Variants in AUTS2 observed in about 807,000 individuals in gnomAD.
AUTS2 encodes the protein autism susceptibility gene 2 protein.
AUTS2 carries 17 observed loss-of-function variants against 112.4 expected under a neutral mutation model. The observed-to-expected ratio is 0.15, with a 90% CI of 0.10 to 0.23. The LOEUF (loss-of-function observed/expected upper bound fraction) is 0.23. Ranked by LOEUF, AUTS2 falls within the 10% of genes least tolerant of loss-of-function variation. AUTS2 has a pLI of 1.00. For synonymous variants in AUTS2, 751 were observed against 702.7 expected (o/e 1.07, Z -1.09); for missense variants, 1,510 against 1,701.6 (o/e 0.89, Z 1.98).
chr7:69,628,980 C>T (rs984295675), intron 1 of AUTS2, among the ~76,000 whole-genome samples: 1 of 152,150 alleles, frequency 6.6e-6, no homozygotes, highest in African/African-American at 2.4e-5. Flanking sequence ...TAAACCATTT[C>T]ATTTGATTTG....
chr7:70,146,921 G>C (rs1807155202), intron 4 of AUTS2, among the ~76,000 whole-genome samples: 2 of 152,110 alleles, frequency 1.3e-5, no homozygotes, highest in African/African-American at 2.4e-5. Context: ...TTGGAGCAGA[G>C]ACACAATTTT....
chr7:70,346,128 G>C (rs1263239614), intron 4 of AUTS2, among the ~76,000 whole-genome samples: 1 of 152,118 alleles, frequency 6.6e-6, no homozygotes, highest in Non-Finnish European at 1.5e-5. Flanking sequence ...GCATTATTAT[G>C]TGTCTGGTAC....
intron 4 of AUTS2, among the ~76,000 whole-genome samples, chr7:70,325,120 G>A (rs1790426776): frequency 6.6e-6 from 1 of 152,056 alleles, no homozygotes; most frequent in South Asian, 2.1e-4. Flanking sequence ...TGGGAGGCTG[G>A]AAGGAGTGAG....
chr7:69,775,803 C>T (rs1463866291), intron 1 of AUTS2, among the ~76,000 whole-genome samples: 2 of 152,124 alleles, frequency 1.3e-5, no homozygotes, highest in Admixed American at 1.3e-4. Flanking sequence ...TCAATGTGGT[C>T]CCAGATTCAA....
intron 5 of AUTS2, among the ~76,000 whole-genome samples, chr7:70,523,502 G>A (rs192869813): frequency 3.0e-4 from 46 of 152,268 alleles, no homozygotes; most frequent in Admixed American, 1.2e-3. Context: ...TGTAAAAATT[G>A]GACTCCTGCC....
chr7:70,131,045 A>G (rs1263082770), intron 3 of AUTS2, among the ~76,000 whole-genome samples: 1 of 152,082 alleles, frequency 6.6e-6, no homozygotes, highest in Non-Finnish European at 1.5e-5. Context: ...TTCAAGTCTC[A>G]GTTTGACTCA....
intron 1 of AUTS2, among the ~76,000 whole-genome samples, chr7:69,738,618 G>A (rs1262456068): frequency 2.6e-5 from 4 of 152,104 alleles, no homozygotes; most frequent in Non-Finnish European, 4.4e-5. Context: ...AGTTTGGTTG[G>A]CAGGGCAATT....
At chr7:69,601,071 A>T (rs1215950910) in intron 1 of AUTS2, among the ~76,000 whole-genome samples, 1 of 151,866 alleles carries the variant, frequency 6.6e-6, no homozygotes, top group East Asian at 1.9e-4. Flanking sequence ...TTGGTGTGGT[A>T]TTGGTCATTG....
chr7:70,220,752 G>A (rs546417477), intron 4 of AUTS2, among the ~76,000 whole-genome samples: 10 of 152,142 alleles, frequency 6.6e-5, no homozygotes, highest in African/African-American at 2.2e-4. Flanking sequence ...TGAGGATGGC[G>A]AAAATGTCAA....
chr7:69,786,705 C>T (rs542904903), intron 1 of AUTS2, among the ~76,000 whole-genome samples: 25 of 152,304 alleles, frequency 1.6e-4, no homozygotes, highest in Non-Finnish European at 2.9e-4. Flanking sequence ...CCACCCGCCT[C>T]GGCCTCCCAA....
intron 5 of AUTS2, among the ~76,000 whole-genome samples, chr7:70,610,027 G>A (rs1418061445): frequency 2.6e-5 from 4 of 151,618 alleles, no homozygotes; most frequent in East Asian, 1.9e-4. Context: ...TCACTCTGTC[G>A]CTTACTTAAG....
At chr7:70,591,458 G>T (rs1324661392) in intron 5 of AUTS2, among the ~76,000 whole-genome samples, 1 of 152,116 alleles carries the variant, frequency 6.6e-6, no homozygotes, top group African/African-American at 2.4e-5. Flanking sequence ...GAGTGCAGTG[G>T]TGCTATCTCA....
At chr7:70,605,546 CTT>C in intron 5 of AUTS2, among the ~76,000 whole-genome samples, 18 of 70,670 alleles carry the variant, frequency 2.5e-4, no homozygotes, top group African/African-American at 5.9e-4. Context: ...CCTTCTTTCT[CTT>C]TTTTTTTTTT....
At chr7:70,184,120 G>T (rs913329874) in intron 4 of AUTS2, among the ~76,000 whole-genome samples, 4 of 152,104 alleles carry the variant, frequency 2.6e-5, no homozygotes, top group African/African-American at 9.7e-5. Flanking sequence ...TGTTCCTTGG[G>T]CATGCTGGAA....
In AUTS2 at chr7:70,784,953, C is replaced by T. The variant is rs777365587; in HGVS notation, c.2158C>T (p.Pro720Ser). 6.2e-7 allele frequency: 1 copy of T among 1,614,052 alleles called. No homozygotes were observed. The highest frequency in any genetic ancestry group is 8.5e-7 in the Non-Finnish European group (1 of 1,180,018). Reference protein sequence around the residue: ...TLFSAAGAAHPTGTPFGPPPH... With the variant: ...TLFSAAGAAHSTGTPFGPPPH... ...GTTTGACTTAACAGGTGCTGCACAC[C>T]CAACTGGGACCCCTTTTGGGCCACC... The change falls in exon 16 of 19, where the codon CCA becomes TCA. Residue 720 changes from proline (P) to serine (S), a missense_variant. Transcript: ENST00000342771.
chr7:69,843,401 A>G (rs1212654312), intron 1 of AUTS2, among the ~76,000 whole-genome samples: 4 of 152,114 alleles, frequency 2.6e-5, no homozygotes, highest in Non-Finnish European at 5.9e-5. Flanking sequence ...TTTTTCAACA[A>G]CAGGTATATA....
intron 5 of AUTS2, among the ~76,000 whole-genome samples, chr7:70,531,385 A>C (rs2007481): frequency 1.3e-5 from 2 of 151,930 alleles, no homozygotes; most frequent in Non-Finnish European, 2.9e-5. Flanking sequence ...AGTCCATTTT[A>C]TGTTGCTCTA....
intron 2 of AUTS2, among the ~76,000 whole-genome samples, chr7:70,052,875 G>A (rs1801819180): frequency 6.6e-6 from 1 of 152,094 alleles, no homozygotes; most frequent in Non-Finnish European, 1.5e-5. Flanking sequence ...TTAAAGTCTA[G>A]GATGCTTGTC....
chr7:69,897,672 G>C (rs1417150040), intron 1 of AUTS2, among the ~76,000 whole-genome samples: 1 of 152,070 alleles, frequency 6.6e-6, no homozygotes, highest in South Asian at 2.1e-4. Flanking sequence ...GCAGGGAATC[G>C]CTTGAACTGG....
Sources: allele counts gnomAD v4.1 joint callset (sites outside exome capture counted in the v4.1 genomes callset), GRCh38; gene constraint gnomAD v4.1.1; transcripts MANE v1.5; gene names NCBI Gene and HGNC (gene_info 2026-07-23, HGNC 2026-07-21).